Variants in EXOC6B observed in about 807,000 individuals in gnomAD.
EXOC6B encodes exocyst complex component 6B.
Under a neutral mutation model 113.5 loss-of-function variants are expected in EXOC6B, and 54 were observed. The ratio of observed to expected loss-of-function variants is 0.48; its 90% CI spans 0.38 to 0.60. EXOC6B has a LOEUF of 0.60. EXOC6B is among the 20% of genes least tolerant of loss of function. EXOC6B has a pLI of 0.00. For missense variants in EXOC6B, 797 were observed against 977.5 expected, an observed-to-expected ratio of 0.82 and a Z score of 2.46; for synonymous variants, 357 against 339.0, an observed-to-expected ratio of 1.05 and a Z score of -0.58.
chr2:72,700,237 A>AAAACAC (rs1553469031), intron 6 of EXOC6B, among the ~76,000 whole-genome samples: 1 of 142,318 alleles, frequency 7.0e-6, no homozygotes, highest in Non-Finnish European at 1.5e-5. Context: ...AGACCACAGA[A>AAAACAC]ACACACACAC....
At position 72,233,964 on chromosome 2, in the gene EXOC6B, G is replaced by A. The variant is rs544536762; in HGVS notation, c.2197-49777C>T. 4.7e-4 allele frequency among the ~76,000 whole-genome samples: 71 copies of A among 152,254 alleles called. No homozygotes were observed. In the East Asian group the frequency reaches 0.012, roughly 25 times the overall value. ...CTTCTGCTGTCCCAGGAAGCACTCG[G>A]ATGGTAAGGCGTGTGCCCCATCCAC... On this transcript the variant is annotated intron_variant, in intron 20 of 21. Coordinates refer to ENST00000272427, the MANE Select transcript of EXOC6B (RefSeq NM_015189.3).
intron 6 of EXOC6B, among the ~76,000 whole-genome samples, chr2:72,713,189 C>T (rs1189969581): frequency 1.3e-5 from 2 of 152,096 alleles, no homozygotes; most frequent in African/African-American, 4.8e-5. Flanking sequence ...ACAAAGTCCA[C>T]CCATGGATCA....
rs747161190 is a variant in EXOC6B at position 72,194,597 on chromosome 2, C to CTCTCTCTG, written c.2197-10411_2197-10410insCAGAGAGA. On this transcript the variant is annotated intron_variant, in intron 20 of 21. Coordinates refer to ENST00000272427, the MANE Select transcript of EXOC6B (RefSeq NM_015189.3). ...TCTCTCTCTCTCTCTCTCTCTCTCT[C>CTCTCTCTG]TGTGTGTGTGTGTGCATATGTGTGT... Among the ~76,000 whole-genome samples the CTCTCTCTG allele has an allele frequency of 2.6e-3, 389 of 147,372 alleles. 4 individuals are homozygous for CTCTCTCTG. Among genetic ancestry groups the CTCTCTCTG allele is most frequent in the Middle Eastern group, 0.017 (5 of 294 alleles).
At chr2:72,481,060 TAGTG>T (rs1339314669) in intron 16 of EXOC6B, among the ~76,000 whole-genome samples, 4 of 152,192 alleles carry the variant, frequency 2.6e-5, no homozygotes, top group African/African-American at 7.2e-5. Flanking sequence ...ATTCTCGTGA[TAGTG>T]AGTGAGTTCT....
chr2:72,690,152 C>A (rs536734365), intron 6 of EXOC6B, among the ~76,000 whole-genome samples: 1 of 152,194 alleles, frequency 6.6e-6, no homozygotes, highest in Non-Finnish European at 1.5e-5. Context: ...AACCTCTAAA[C>A]AGATGTTTCA....
At chr2:72,540,180 T>C (rs998191535) in intron 8 of EXOC6B, among the ~76,000 whole-genome samples, 1 of 152,004 alleles carries the variant, frequency 6.6e-6, no homozygotes, top group African/African-American at 2.4e-5. Flanking sequence ...CAACTTTTCT[T>C]AATCCAGTCT....
At chr2:72,272,700 G>A (rs750957378) in intron 20 of EXOC6B, among the ~76,000 whole-genome samples, 2 of 152,128 alleles carry the variant, frequency 1.3e-5, no homozygotes, top group Non-Finnish European at 2.9e-5. Context: ...TTTAAGAGTT[G>A]TGCTTCTGGA....
At chr2:72,323,585 C>T (rs1163029189) in intron 20 of EXOC6B, among the ~76,000 whole-genome samples, 2 of 152,060 alleles carry the variant, frequency 1.3e-5, no homozygotes, top group African/African-American at 4.8e-5. Flanking sequence ...GGAACCAACT[C>T]AAATGTCCAT....
chr2:72,757,552 G>A (rs768594797), intron 1 of EXOC6B, among the ~76,000 whole-genome samples: 2 of 152,190 alleles, frequency 1.3e-5, no homozygotes, highest in Non-Finnish European at 2.9e-5. Flanking sequence ...TTTCAAAGCA[G>A]TTTGTGTAAA....
At chr2:72,810,752 T>C (rs1685861678) in intron 1 of EXOC6B, among the ~76,000 whole-genome samples, 1 of 151,984 alleles carries the variant, frequency 6.6e-6, no homozygotes, top group South Asian at 2.1e-4. Context: ...AAAGGGAATA[T>C]AACCATACGT....
chr2:72,657,788 G>A (rs895695386), intron 6 of EXOC6B, among the ~76,000 whole-genome samples: 23 of 150,482 alleles, frequency 1.5e-4, no homozygotes, highest in African/African-American at 5.1e-4. Flanking sequence ...TAAAGCACTC[G>A]ATACATATTA....
intron 7 of EXOC6B, among the ~76,000 whole-genome samples, chr2:72,566,193 T>G (rs1291798989): frequency 6.6e-6 from 1 of 152,170 alleles, no homozygotes; most frequent in East Asian, 1.9e-4. Context: ...AATTGTTTCC[T>G]GATGCCTAGC....
At chr2:72,572,646 T>C (rs373702260) in intron 7 of EXOC6B, among the ~76,000 whole-genome samples, 16 of 152,180 alleles carry the variant, frequency 1.1e-4, no homozygotes, top group African/African-American at 3.6e-4. Context: ...CAGTTCTCAA[T>C]GAGGTCTGTT....
intron 6 of EXOC6B, among the ~76,000 whole-genome samples, chr2:72,609,121 C>A (rs560214629): frequency 6.6e-6 from 1 of 152,080 alleles, no homozygotes; most frequent in African/African-American, 2.4e-5. Flanking sequence ...CGAGATGGTA[C>A]CAGAAAATAC....
At chr2:72,419,268 G>T (rs549365020) in intron 18 of EXOC6B, among the ~76,000 whole-genome samples, 4 of 152,264 alleles carry the variant, frequency 2.6e-5, no homozygotes, top group African/African-American at 9.6e-5. Flanking sequence ...TTAGCTTTTA[G>T]ACTAACAATT....
At chr2:72,253,066 A>T (rs1683127239) in intron 20 of EXOC6B, among the ~76,000 whole-genome samples, 1 of 152,158 alleles carries the variant, frequency 6.6e-6, no homozygotes, top group Non-Finnish European at 1.5e-5. Flanking sequence ...TCAAAAGAAG[A>T]CATACATGTG....
At chr2:72,707,050 A>C (rs1678930201) in intron 6 of EXOC6B, among the ~76,000 whole-genome samples, 1 of 152,182 alleles carries the variant, frequency 6.6e-6, no homozygotes, top group South Asian at 2.1e-4. Context: ...TCTCAAGCCT[A>C]AGCCCGTCTC....
chr2:72,543,294 C>A (rs1483776750), intron 8 of EXOC6B, among the ~76,000 whole-genome samples: 1 of 152,072 alleles, frequency 6.6e-6, no homozygotes, highest in Non-Finnish European at 1.5e-5. Flanking sequence ...ATATTTTAAG[C>A]ACTGTCTTGA....
At chr2:72,680,471 G>A (rs1676619707) in intron 6 of EXOC6B, among the ~76,000 whole-genome samples, 1 of 152,186 alleles carries the variant, frequency 6.6e-6, no homozygotes, top group African/African-American at 2.4e-5. Flanking sequence ...CTGGCTCAGT[G>A]GCTCACGCCT....
Sources: gnomAD v4.1 joint callset for allele counts (sites outside exome capture counted in the v4.1 genomes callset) on GRCh38, gnomAD v4.1.1 for gene constraint, MANE v1.5 for transcripts, NCBI Gene and HGNC (gene_info 2026-07-23, HGNC 2026-07-21) for gene names.